ARHGAP24: variants seen among roughly 807,000 people sequenced by gnomAD.
ARHGAP24 encodes the protein rho GTPase-activating protein 24.
A neutral mutation model predicts 76.4 loss-of-function variants in ARHGAP24; 50 were observed. The ratio of observed to expected loss-of-function variants is 0.65; its 90% CI spans 0.52 to 0.83. The LOEUF (loss-of-function observed/expected upper bound fraction) is 0.83. ARHGAP24 is among the 40% of genes least tolerant of loss of function. ARHGAP24 has a pLI of 0.00. For synonymous variants in ARHGAP24, 345 were observed against 323.3 expected (o/e 1.07, Z -0.72); for missense variants, 930 against 914.2 (o/e 1.02, Z -0.22).
At chr4:85,935,435 A>C (rs17011215) in intron 4 of ARHGAP24, among the ~76,000 whole-genome samples, 1 of 152,146 alleles carries the variant, frequency 6.6e-6, no homozygotes, top group Admixed American at 6.5e-5. Context: ...CCAGTGATTC[A>C]CATAAACTAA....
intron 1 of ARHGAP24, among the ~76,000 whole-genome samples, chr4:85,530,619 T>G (rs1725219808): frequency 6.6e-6 from 1 of 152,068 alleles, no homozygotes; most frequent in South Asian, 2.1e-4. Flanking sequence ...CTTGCCTTGC[T>G]AATTGTTCCA....
At chr4:85,516,358 T>C (rs1000384306) in intron 1 of ARHGAP24, among the ~76,000 whole-genome samples, 1 of 152,224 alleles carries the variant, frequency 6.6e-6, no homozygotes, top group Admixed American at 6.5e-5. Flanking sequence ...TAACTCATAT[T>C]TGTTTCAATG....
intron 3 of ARHGAP24, among the ~76,000 whole-genome samples, chr4:85,732,042 T>C (rs1725430570): frequency 6.6e-6 from 1 of 152,236 alleles, no homozygotes; most frequent in South Asian, 2.1e-4. Context: ...TGATATGGTT[T>C]TAATTATGCA....
At chr4:85,633,376 T>C (rs1467430382) in intron 2 of ARHGAP24, among the ~76,000 whole-genome samples, 1 of 151,962 alleles carries the variant, frequency 6.6e-6, no homozygotes, top group Admixed American at 6.6e-5. Flanking sequence ...CAAATTAGCA[T>C]ATAGTCTGCT....
At chr4:85,939,362 C>T (rs527759168) in intron 4 of ARHGAP24, among the ~76,000 whole-genome samples, 2 of 152,096 alleles carry the variant, frequency 1.3e-5, no homozygotes, top group Non-Finnish European at 2.9e-5. Context: ...CAGGAATAAG[C>T]AAAGATTTTA....
intron 5 of ARHGAP24, among the ~76,000 whole-genome samples, chr4:85,951,154 AATCCTGG>A (rs1236837097): frequency 6.6e-6 from 1 of 152,118 alleles, no homozygotes; most frequent in Non-Finnish European, 1.5e-5. Flanking sequence ...AGATATGCAA[AATCCTGG>A]ATTCTGCTGA....
intron 8 of ARHGAP24, among the ~76,000 whole-genome samples, chr4:85,979,068 T>C (rs1033543521): frequency 6.6e-6 from 1 of 152,222 alleles, no homozygotes; most frequent in Non-Finnish European, 1.5e-5. Context: ...CACGGATTTG[T>C]TGATTCATGG....
At chr4:85,889,685 A>C (rs1432269945) in intron 3 of ARHGAP24, among the ~76,000 whole-genome samples, 5 of 152,194 alleles carry the variant, frequency 3.3e-5, no homozygotes, top group African/African-American at 1.2e-4. Context: ...AACTCCAACT[A>C]TCTCACTGGT....
chr4:85,818,174 T>A (rs891361882), intron 3 of ARHGAP24, among the ~76,000 whole-genome samples: 9 of 152,022 alleles, frequency 5.9e-5, no homozygotes, highest in Non-Finnish European at 1.2e-4. Context: ...TAGAATAATC[T>A]CTCTAATAAT....
intron 2 of ARHGAP24, among the ~76,000 whole-genome samples, chr4:85,685,104 T>C (rs1723369866): frequency 6.6e-6 from 1 of 152,158 alleles, no homozygotes; most frequent in South Asian, 2.1e-4. Flanking sequence ...TTTATAGCAG[T>C]TTTTTAAGCT....
intron 3 of ARHGAP24, among the ~76,000 whole-genome samples, chr4:85,808,916 C>A (rs1485053636): frequency 6.6e-6 from 1 of 152,172 alleles, no homozygotes; most frequent in Non-Finnish European, 1.5e-5. Flanking sequence ...AAAACAAGCT[C>A]TGTGTTACAT....
intron 1 of ARHGAP24, among the ~76,000 whole-genome samples, chr4:85,547,959 T>C (rs1433655914): frequency 1.3e-5 from 2 of 152,248 alleles, no homozygotes; most frequent in African/African-American, 4.8e-5. Context: ...AAGGAAGAGC[T>C]TTCCCATGTC....
chr4:85,914,997 A>C (rs1735296907), intron 3 of ARHGAP24, among the ~76,000 whole-genome samples: 1 of 152,222 alleles, frequency 6.6e-6, no homozygotes, highest in Admixed American at 6.5e-5. Context: ...AAGAGGATAT[A>C]AATTCTAGAT....
chr4:85,985,142 C>G (rs1433196679), intron 8 of ARHGAP24, among the ~76,000 whole-genome samples: 1 of 152,056 alleles, frequency 6.6e-6, no homozygotes, highest in Non-Finnish European at 1.5e-5. Flanking sequence ...CTCTTATACT[C>G]AAAGGAATAT....
intron 2 of ARHGAP24, among the ~76,000 whole-genome samples, chr4:85,618,712 C>A: frequency 6.6e-6 from 1 of 152,042 alleles, no homozygotes; most frequent in Admixed American, 6.6e-5. Context: ...TTTTGATTTG[C>A]ACTTCCCTGA....
chr4:85,924,004 T>C (rs942609166), intron 4 of ARHGAP24, among the ~76,000 whole-genome samples: 2 of 152,030 alleles, frequency 1.3e-5, no homozygotes, highest in Non-Finnish European at 2.9e-5. Flanking sequence ...ATGATAAAAA[T>C]GGGTGGGTTT....
intron 3 of ARHGAP24, among the ~76,000 whole-genome samples, chr4:85,910,469 C>T (rs892252205): frequency 3.3e-5 from 5 of 152,132 alleles, no homozygotes; most frequent in African/African-American, 1.2e-4. Context: ...TCACAATAGA[C>T]CCACAGCGGG....
At chr4:85,906,086 G>C (rs1054012847) in intron 3 of ARHGAP24, among the ~76,000 whole-genome samples, 7 of 152,184 alleles carry the variant, frequency 4.6e-5, no homozygotes, top group Non-Finnish European at 1.0e-4. Context: ...ATAATAAAGA[G>C]AGAATGTGCA....
chr4:85,980,266 C>T (rs1424167183), intron 8 of ARHGAP24, among the ~76,000 whole-genome samples: 1 of 152,150 alleles, frequency 6.6e-6, no homozygotes, highest in Admixed American at 6.5e-5. Context: ...GCATAATAAA[C>T]ATATATACAC....
Sources: gnomAD v4.1 joint callset for allele counts (sites outside exome capture counted in the v4.1 genomes callset) on GRCh38, gnomAD v4.1.1 for gene constraint, MANE v1.5 for transcripts, NCBI Gene and HGNC (gene_info 2026-07-23, HGNC 2026-07-21) for gene names.